Variants in MEGF9 observed in about 807,000 individuals in gnomAD.
MEGF9 encodes multiple epidermal growth factor-like domains protein 9.
In MEGF9, 6 loss-of-function variants were observed where a neutral mutation model predicts 46.8. The ratio of observed to expected loss-of-function variants is 0.13; its 90% CI spans 0.07 to 0.25. The LOEUF (loss-of-function observed/expected upper bound fraction) is 0.25. MEGF9 is among the 10% of genes least tolerant of loss of function. The pLI is 1.00. For synonymous variants in MEGF9, 302 were observed against 330.7 expected (o/e 0.91, Z 0.94); for missense variants, 683 against 792.4 (o/e 0.86, Z 1.66).
chr9:120,695,949 G>A (rs1220658397), intron 1 of MEGF9, among the ~76,000 whole-genome samples: 1 of 152,192 alleles, frequency 6.6e-6, no homozygotes, highest in Non-Finnish European at 1.5e-5. Flanking sequence ...CCTTTACCTG[G>A]CTTGGAATTA....
At chr9:120,645,156 G>T (rs898610232) in intron 2 of MEGF9, among the ~76,000 whole-genome samples, 9 of 152,218 alleles carry the variant, frequency 5.9e-5, no homozygotes, top group Admixed American at 3.9e-4. Flanking sequence ...AAAGAAAGGC[G>T]CTTAAGCCCT....
At position 120,611,883 on chromosome 9, in the gene MEGF9, G is replaced by GAGAGAGAA. The variant is rs1242135307; in HGVS notation, c.1087+512_1087+513insTTCTCTCT. Among the ~76,000 whole-genome samples the GAGAGAGAA allele has an allele frequency of 1.8e-3, 276 of 150,266 alleles. 1 individual carries two copies. The highest frequency in any genetic ancestry group is 3.4e-3 in the Middle Eastern group (1 of 292). On this transcript the variant is annotated intron_variant, in intron 4 of 5. Transcript: ENST00000373930. Reference sequence around the variant, plus strand: ...AGGAAGAAAGAGAGAGAGAGAGAGAGAGAAAGAAAGAAAGAAAGAAAGGAA... The same window carrying GAGAGAGAA: ...AGGAAGAAAGAGAGAGAGAGAGAGAGAGAGAGAAAGAAAGAAAGAAAGAAAGAAAGGAA...
intron 1 of MEGF9, among the ~76,000 whole-genome samples, chr9:120,683,924 T>G (rs2043809976): frequency 6.6e-6 from 1 of 150,622 alleles, no homozygotes; most frequent in African/African-American, 2.4e-5. Flanking sequence ...AACAAAAAAC[T>G]TACAAGGAAA....
chr9:120,651,787 G>A (rs1330222529), intron 2 of MEGF9, among the ~76,000 whole-genome samples: 1 of 151,406 alleles, frequency 6.6e-6, no homozygotes, highest in Non-Finnish European at 1.5e-5. Flanking sequence ...TGTGTAGCTG[G>A]GATTACAGGC....
At chr9:120,705,014 T>C (rs964482680) in intron 1 of MEGF9, among the ~76,000 whole-genome samples, 1 of 152,186 alleles carries the variant, frequency 6.6e-6, no homozygotes. Flanking sequence ...TAACTTCTAT[T>C]ATGAAAGTTT....
chr9:120,611,808 GAAAGAAAAGA>G (rs760901512), intron 4 of MEGF9, among the ~76,000 whole-genome samples: 1 of 132,736 alleles, frequency 7.5e-6, no homozygotes, highest in East Asian at 2.1e-4. Context: ...AGGAAAGAAA[GAAAGAAAAGA>G]AAAGAAAAGA....
At chr9:120,619,213 G>C (rs1401878738) in intron 3 of MEGF9, among the ~76,000 whole-genome samples, 2 of 151,974 alleles carry the variant, frequency 1.3e-5, no homozygotes, top group African/African-American at 2.4e-5. Flanking sequence ...CGGGCGTGGT[G>C]GTGGGCGCCT....
intron 5 of MEGF9, among the ~76,000 whole-genome samples, chr9:120,607,275 A>G (rs2043423631): frequency 6.6e-6 from 1 of 152,206 alleles, no homozygotes; most frequent in Non-Finnish European, 1.5e-5. Context: ...TTCAAAAGGA[A>G]TATTATTATT....
rs930944683 is a variant in MEGF9 at position 120,666,224 on chromosome 9, A to G, written c.602-6649T>C. Among the ~76,000 whole-genome samples, 3 of 152,224 alleles carry G rather than the reference A, an allele frequency of 2.0e-5. No individual in the cohort carries two copies. In the East Asian group the frequency reaches 5.8e-4, roughly 29 times the overall value. Reference sequence around the variant, plus strand: ...TCAAATACTGTTATCTATTAAGAATACAAAAAACCTGTATTAAGTTATTCC... The same window carrying G: ...TCAAATACTGTTATCTATTAAGAATGCAAAAAACCTGTATTAAGTTATTCC... On this transcript the variant is annotated intron_variant, in intron 1 of 5. Coordinates refer to ENST00000373930, the MANE Select transcript of MEGF9 (RefSeq NM_001080497.3).
chr9:120,692,417 T>A (rs1338195493), intron 1 of MEGF9, among the ~76,000 whole-genome samples: 1 of 152,234 alleles, frequency 6.6e-6, no homozygotes, highest in Admixed American at 6.5e-5. Context: ...AATCCAAAAT[T>A]AATGATGGAA....
chr9:120,607,033 T>C (rs2043422893), intron 5 of MEGF9, among the ~76,000 whole-genome samples: 1 of 152,072 alleles, frequency 6.6e-6, no homozygotes, highest in Admixed American at 6.6e-5. Context: ...TATAAAGATA[T>C]CAAGAAAATG....
At position 120,601,792 on chromosome 9, in the gene MEGF9, G is replaced by A. The variant is rs1038709992; in HGVS notation, c.*3398C>T. On this transcript the variant is annotated 3_prime_UTR_variant, in exon 6 of 6. Transcript: ENST00000373930. ...AGGGGATAGAGGGTAGAGGGAGCGA[G>A]AGGGGAGTAAGGGAGGACACGGACA... is the stretch of plus-strand genomic sequence containing the variant. 6.6e-6 allele frequency: 1 copy of A among 152,170 alleles called. No homozygotes were observed. The allele number at this position is 152,170 out of a possible 1,614,324, so 9.4% of individuals were successfully genotyped here.
intron 2 of MEGF9, among the ~76,000 whole-genome samples, chr9:120,658,568 T>C (rs7048370): frequency 0.057 from 8,644 of 152,264 alleles, 815 homozygotes; most frequent in African/African-American, 0.2. Flanking sequence ...GAAAGGAAAT[T>C]ACTTGCCCAA....
chr9:120,650,186 T>A (rs1242122296), intron 2 of MEGF9, among the ~76,000 whole-genome samples: 2 of 152,154 alleles, frequency 1.3e-5, no homozygotes, highest in Non-Finnish European at 2.9e-5. Flanking sequence ...GAGAATTGCT[T>A]GAACACGGGA....
At chr9:120,648,198 C>T (rs972999540) in intron 2 of MEGF9, among the ~76,000 whole-genome samples, 2 of 151,922 alleles carry the variant, frequency 1.3e-5, no homozygotes, top group Non-Finnish European at 2.9e-5. Flanking sequence ...GTTAAATATT[C>T]TTCAATGGAT....
intron 2 of MEGF9, among the ~76,000 whole-genome samples, chr9:120,646,440 G>A (rs2043626624): frequency 6.6e-6 from 1 of 152,154 alleles, no homozygotes; most frequent in African/African-American, 2.4e-5. Context: ...GACATCTTCA[G>A]TAAGCCCATC....
chr9:120,659,787 C>CTGTGTGTGTG (rs1564422552), intron 1 of MEGF9, among the ~76,000 whole-genome samples: 1 of 120,508 alleles, frequency 8.3e-6, no homozygotes, highest in African/African-American at 3.2e-5. Context: ...GTGTGTGTGA[C>CTGTGTGTGTG]AGTGTGTGTG....
intron 2 of MEGF9, among the ~76,000 whole-genome samples, chr9:120,643,115 T>G (rs1438245204): frequency 6.6e-6 from 1 of 152,138 alleles, no homozygotes; most frequent in Non-Finnish European, 1.5e-5. Flanking sequence ...CAAGTCTCCC[T>G]CTAGGATTGA....
chr9:120,703,170 G>A (rs1011398525), intron 1 of MEGF9, among the ~76,000 whole-genome samples: 12 of 152,208 alleles, frequency 7.9e-5, no homozygotes, highest in African/African-American at 2.7e-4. Context: ...ATATTACTAT[G>A]AGTGAGAGAA....
Sources: gnomAD v4.1 joint callset for allele counts (sites outside exome capture counted in the v4.1 genomes callset) on GRCh38, gnomAD v4.1.1 for gene constraint, MANE v1.5 for transcripts, NCBI Gene and HGNC (gene_info 2026-07-23, HGNC 2026-07-21) for gene names.